WDTC1: variants seen among roughly 807,000 people sequenced by gnomAD.
The protein encoded by WDTC1 is WD and tetratricopeptide repeats 1.
WDTC1 carries 12 observed loss-of-function variants against 76.0 expected under a neutral mutation model. The observed-to-expected ratio is 0.16, with a 90% CI of 0.10 to 0.26. The LOEUF is 0.26. Ranked by LOEUF, WDTC1 falls within the 10% of genes least tolerant of loss-of-function variation. WDTC1 has a pLI of 1.00. For synonymous variants in WDTC1, 326 were observed against 350.8 expected, an observed-to-expected ratio of 0.93 and a Z score of 0.79; for missense variants, 511 against 908.8, an observed-to-expected ratio of 0.56 and a Z score of 5.63.
chr1:27,236,970 T>TG (rs2011503276), intron 1 of WDTC1, among the ~76,000 whole-genome samples: 1 of 152,178 alleles, frequency 6.6e-6, no homozygotes, highest in African/African-American at 2.4e-5. Context: ...CCCAAGTAGC[T>TG]GGGATTGCAG....
chr1:27,238,281 A>T lies in WDTC1; in HGVS notation c.-100+3330A>T, dbSNP rs1477568236. ...GGGGAACATGATACCTCATTCAAAT[A>T]CTTGAAGATTGTCATGGGGAAAGGA... On this transcript the variant is annotated intron_variant, in intron 1 of 15. Transcript: ENST00000319394. Among the ~76,000 whole-genome samples the T allele has an allele frequency of 8.2e-4, 5 of 6,086 alleles. No homozygotes were observed. In the Admixed American group the frequency reaches 0.017, roughly 20 times the overall value. 4.0% of individuals were successfully genotyped at this position (6,086 alleles called of 152,430 possible).
intron 14 of WDTC1, chr1:27,304,404 G>GT (rs1423526058): frequency 1.3e-5 from 2 of 157,420 alleles, no homozygotes; most frequent in African/African-American, 2.4e-5. Flanking sequence ...GAGCCCAGGA[G>GT]TTTGAGACCA....
intron 1 of WDTC1, among the ~76,000 whole-genome samples, chr1:27,239,310 G>C (rs2011563362): frequency 6.8e-6 from 1 of 147,804 alleles, no homozygotes; most frequent in Non-Finnish European, 1.5e-5. Flanking sequence ...TTGAGCCCAG[G>C]AGTTTGAGAC....
intron 13 of WDTC1, among the ~76,000 whole-genome samples, chr1:27,302,255 G>A (rs1463509352): frequency 6.6e-6 from 1 of 152,104 alleles, no homozygotes; most frequent in Non-Finnish European, 1.5e-5. Context: ...TGTGTTTATG[G>A]CATTTACAGT....
intron 1 of WDTC1, among the ~76,000 whole-genome samples, chr1:27,237,936 G>A (rs191378538): frequency 6.6e-6 from 1 of 152,032 alleles, no homozygotes. Flanking sequence ...TACTTTGAGA[G>A]GTATTTGCCA....
Position 27,303,418 on chromosome 1 carries a change from A to G in WDTC1, c.1469-203A>G, listed in dbSNP as rs776331511. 1.3e-5 allele frequency among the ~76,000 whole-genome samples: 2 copies of G among 152,084 alleles called. No individual in the cohort carries two copies. The highest frequency in any genetic ancestry group is 2.9e-5 in the Non-Finnish European group (2 of 68,010). ...CTGAACCAGGGCCCTCCTGGCATCA[A>G]AGGTCTCCTCTTGAACATCCTCAGG... On this transcript the variant is annotated intron_variant, in intron 13 of 15. Coordinates refer to ENST00000319394, the MANE Select transcript of WDTC1 (RefSeq NM_001276252.2). The surrounding 1 kb of genome is among the most constrained non-coding windows in gnomAD (Gnocchi z 4.8).
intron 1 of WDTC1, among the ~76,000 whole-genome samples, chr1:27,249,167 G>A (rs2011951268): frequency 1.3e-5 from 2 of 151,712 alleles, no homozygotes; most frequent in South Asian, 4.2e-4. Flanking sequence ...TACTCCGGAG[G>A]CTGAGGCATG....
chr1:27,287,877 A>G lies in WDTC1; in HGVS notation c.479+16A>G. 2 of 1,609,332 alleles carry G rather than the reference A, an allele frequency of 1.2e-6. No homozygotes were observed. The highest frequency in any genetic ancestry group is 1.7e-6 in the Non-Finnish European group (2 of 1,177,656). On this transcript the variant is annotated intron_variant, in intron 6 of 15. Transcript: ENST00000319394. The stretch of plus-strand genomic sequence containing the variant: ...GGCTTATCCGGTAAGAGTCTGGGGC[A>G]TCTAGTGGAGCCTGTCGCTCCCCCA...
intron 1 of WDTC1, among the ~76,000 whole-genome samples, chr1:27,257,624 C>T (rs1557483984): frequency 6.6e-6 from 1 of 152,074 alleles, no homozygotes; most frequent in Non-Finnish European, 1.5e-5. Flanking sequence ...CCAAAGACTC[C>T]TGCAAAAATC....
Position 27,294,497 on chromosome 1 carries a change from TG to T in WDTC1, c.758-14del. On this transcript the variant is annotated splice_polypyrimidine_tract_variant and intron_variant, in intron 8 of 15. Coordinates refer to ENST00000319394, the MANE Select transcript of WDTC1 (RefSeq NM_001276252.2). ...AAAGGGACTGGGACCCTAGTATGAC[TG>T]GGCTATTCCCTGCAGGTCACCTGCC... 1 of 1,612,054 alleles carries T rather than the reference TG, an allele frequency of 6.2e-7. No individual in the cohort carries two copies. Among genetic ancestry groups the T allele is most frequent in the Non-Finnish European group, 8.5e-7 (1 of 1,178,104 alleles).
At chr1:27,286,304 G>GT (rs201774292) in intron 5 of WDTC1, among the ~76,000 whole-genome samples, 176 of 146,974 alleles carry the variant, frequency 1.2e-3, no homozygotes, top group Non-Finnish European at 1.8e-3. Context: ...CACCTGGCCG[G>GT]TTTTTTTTGT....
chr1:27,256,402 A>G (rs1375498351), intron 1 of WDTC1, among the ~76,000 whole-genome samples: 1 of 152,184 alleles, frequency 6.6e-6, no homozygotes, highest in East Asian at 1.9e-4. Context: ...CCTCAGAAAG[A>G]GAATCTCAGT....
At chr1:27,262,588 A>G (rs1215729514) in intron 2 of WDTC1, among the ~76,000 whole-genome samples, 2 of 152,012 alleles carry the variant, frequency 1.3e-5, no homozygotes, top group Non-Finnish European at 2.9e-5. Context: ...GGGTTATACC[A>G]TGTTGGCCAG....
intron 5 of WDTC1, among the ~76,000 whole-genome samples, chr1:27,287,306 G>T (rs901057362): frequency 2.6e-5 from 4 of 152,204 alleles, no homozygotes; most frequent in Non-Finnish European, 4.4e-5. Flanking sequence ...GAGTCAGACA[G>T]ACTTGGGCTT....
chr1:27,267,257 T>TG (rs1178338250), intron 3 of WDTC1, among the ~76,000 whole-genome samples: 1 of 152,058 alleles, frequency 6.6e-6, no homozygotes. Context: ...TTCTTTTTTT[T>TG]TTTTTTTGGC....
intron 3 of WDTC1, among the ~76,000 whole-genome samples, chr1:27,267,249 C>CTT (rs869288356): frequency 0.013 from 1,842 of 140,210 alleles, 23 homozygotes; most frequent in East Asian, 0.024. Flanking sequence ...GGATTACTTT[C>CTT]TTTTTTTTTT....
chr1:27,234,508 G>A (rs189752680), upstream of WDTC1: 14 of 341,174 alleles, frequency 4.1e-5, no homozygotes, highest in Middle Eastern at 7.6e-4. Flanking sequence ...GACCGGGCGC[G>A]GGGGGGTAAG....
intron 5 of WDTC1, 102 bp downstream of exon 5, chr1:27,283,551 G>A (rs1260129119): frequency 1.8e-5 from 17 of 955,930 alleles, no homozygotes; most frequent in East Asian, 7.9e-5. Flanking sequence ...CCCATATACC[G>A]TCTAGGGTCA....
chr1:27,269,430 A>G (rs1328058887), intron 3 of WDTC1, among the ~76,000 whole-genome samples: 1 of 151,496 alleles, frequency 6.6e-6, no homozygotes, highest in Non-Finnish European at 1.5e-5. Flanking sequence ...TCAAGAGAAC[A>G]ATTAGTCACA....
Sources: gnomAD v4.1 joint callset for allele counts (sites outside exome capture counted in the v4.1 genomes callset) on GRCh38, gnomAD v4.1.1 for gene constraint, Gnocchi (gnomAD v3.1) non-coding constraint, MANE v1.5 for transcripts, NCBI Gene and HGNC (gene_info 2026-07-23, HGNC 2026-07-21) for gene names.